Variants in FILIP1 observed in about 807,000 individuals in gnomAD.
FILIP1 encodes filamin A interacting protein 1.
In FILIP1, 61 loss-of-function variants were observed where a neutral mutation model predicts 102.1. The ratio of observed to expected loss-of-function variants is 0.60; its 90% CI spans 0.49 to 0.74. FILIP1 has a LOEUF of 0.74. FILIP1 is among the 30% of genes least tolerant of loss of function. The pLI is 0.00. For missense variants in FILIP1, 1,314 were observed against 1,441.2 expected (o/e 0.91, Z 1.43); for synonymous variants, 491 against 526.9 (o/e 0.93, Z 0.93).
At chr6:75,411,735 G>C (rs1431323941) in intron 2 of FILIP1, among the ~76,000 whole-genome samples, 1 of 152,096 alleles carries the variant, frequency 6.6e-6, no homozygotes, top group East Asian at 1.9e-4. Context: ...TAGATGTGTG[G>C]TGCTATTTCT....
At chr6:75,332,462 C>T (rs923475707) in intron 4 of FILIP1, among the ~76,000 whole-genome samples, 1 of 152,118 alleles carries the variant, frequency 6.6e-6, no homozygotes, top group African/African-American at 2.4e-5. Context: ...AATGTGTGAC[C>T]TTGGGCTCTC....
exon 7 of FILIP1, chr6:75,293,969 G>A (rs1323703526): frequency 2.0e-5 from 3 of 152,258 alleles, no homozygotes; most frequent in East Asian, 3.9e-4. Flanking sequence ...AGTTTTCTTA[G>A]TAACCAAAAT....
chr6:75,478,615 G>A lies in FILIP1; in HGVS notation c.-7+14799C>T, dbSNP rs577822147. 3.9e-5 allele frequency among the ~76,000 whole-genome samples: 6 copies of A among 152,238 alleles called. No individual in the cohort carries two copies. The South Asian group carries it at 6.2e-4, about 16-fold the overall frequency. ...TACAACAGGTATCTTGGGAAATAAC[G>A]CAAGACAGGTGGTGTTCTGGATTCT... On this transcript the variant is annotated intron_variant, in intron 1 of 5. Transcript: ENST00000237172.
exon 7 of FILIP1, chr6:75,295,874 T>A: frequency 7.3e-7 from 1 of 1,378,052 alleles, no homozygotes; most frequent in Non-Finnish European, 9.4e-7. Context: ...GATTCAGAGG[T>A]CGTACACACA....
chr6:75,407,918 G>T (rs1776930790), intron 2 of FILIP1, among the ~76,000 whole-genome samples: 1 of 152,044 alleles, frequency 6.6e-6, no homozygotes, highest in South Asian at 2.1e-4. Flanking sequence ...ATGTCCTTTT[G>T]CCAGATATTC....
Position 75,449,784 on chromosome 6 carries a change from A to G in FILIP1, c.-6-34806T>C, listed in dbSNP as rs561288453. 3.3e-5 allele frequency among the ~76,000 whole-genome samples: 5 copies of G among 152,322 alleles called. No individual in the cohort carries two copies. The East Asian group carries it at 9.6e-4, about 29-fold the overall frequency. On this transcript the variant is annotated intron_variant, in intron 1 of 5. Transcript: ENST00000237172. ...TAACTATCTTAAAGTCTAAGTATTT[A>G]AAGTATGAGTGTTTATGACTCATTG...
Position 75,313,407 on chromosome 6 carries a change from C to T in FILIP1, c.2425G>A (p.Ala809Thr), listed in dbSNP as rs1290781932. Residue 809 changes from alanine to threonine, a missense_variant, in exon 5 of 6, where the codon GCA (alanine) becomes ACA (threonine). By Grantham distance (58) the Ala-to-Thr change is moderately conservative. Coordinates refer to ENST00000237172, the MANE Select transcript of FILIP1 (RefSeq NM_015687.5). The surrounding 1 kb of genome is among the most constrained non-coding windows in gnomAD (Gnocchi z 4.2). ...PVTSTGVQTD[A>T]VSGEAAEEET... ...TCCTCTGCTGCTTCACCGCTGACTG[C>T]ATCAGTTTGGACTCCAGTTGACGTC... 6.2e-7 allele frequency: 1 copy of T among 1,614,202 alleles called. No homozygotes were observed. Among genetic ancestry groups the T allele is most frequent in the African/African-American group, 1.3e-5 (1 of 75,058 alleles).
chr6:75,399,756 A>G (rs979206571), intron 2 of FILIP1, among the ~76,000 whole-genome samples: 1 of 152,152 alleles, frequency 6.6e-6, no homozygotes, highest in African/African-American at 2.4e-5. Flanking sequence ...ATCCTGGCAT[A>G]TATTAGGCAG....
At chr6:75,487,871 T>C (rs1260864005) in intron 1 of FILIP1, among the ~76,000 whole-genome samples, 3 of 152,116 alleles carry the variant, frequency 2.0e-5, no homozygotes, top group Admixed American at 1.3e-4. Flanking sequence ...GGGCAGACTA[T>C]AGGGTCCTTG....
intron 4 of FILIP1, among the ~76,000 whole-genome samples, chr6:75,345,031 T>C (rs1278581174): frequency 1.3e-5 from 2 of 152,250 alleles, no homozygotes; most frequent in Non-Finnish European, 2.9e-5. Flanking sequence ...GGGTTCTCAC[T>C]ATTTCTCATA....
intron 2 of FILIP1, among the ~76,000 whole-genome samples, chr6:75,380,280 T>C (rs2149639721): frequency 7.1e-6 from 1 of 140,858 alleles, no homozygotes; most frequent in East Asian, 1.9e-4. Context: ...ATAAAGAGTT[T>C]ACATATATCA....
chr6:75,345,353 CTT>C (rs780956324), intron 4 of FILIP1, among the ~76,000 whole-genome samples: 7 of 140,802 alleles, frequency 5.0e-5, no homozygotes, highest in South Asian at 4.6e-4. Context: ...GCCCCCAAAT[CTT>C]TTTTTTTTTT....
At chr6:75,480,308 A>G (rs1582568423) in intron 1 of FILIP1, among the ~76,000 whole-genome samples, 1 of 152,150 alleles carries the variant, frequency 6.6e-6, no homozygotes, top group Admixed American at 6.5e-5. Context: ...ATAGGTATAT[A>G]CTTCTCTGAA....
Position 75,313,981 on chromosome 6 carries a change from T to G in FILIP1, c.1851A>C (p.Lys617Asn), listed in dbSNP as rs1486935851. 2 of 1,577,298 alleles carry G rather than the reference T, an allele frequency of 1.3e-6. No individual in the cohort carries two copies. Among genetic ancestry groups the G allele is most frequent in the Non-Finnish European group, 1.7e-6 (2 of 1,166,846 alleles). ...EREITRGRSR[K>N]GSELTCPEDN... ...CTTCCGGGCAGGTGAGCTCAGACCC[T>G]TTTCGTGACCTTCCTCTTGTTATTT... The change falls in exon 5 of 6, where the codon AAA becomes AAC. Residue 617 changes from lysine (K) to asparagine (N), a missense_variant. This residue lies in a region of FILIP1 where 816 missense variants were observed against 913.1 expected (regional missense o/e 0.89). Coordinates refer to ENST00000237172, the MANE Select transcript of FILIP1 (RefSeq NM_015687.5). This position sits in a 1 kb window ranked among gnomAD's most constrained non-coding sequence, Gnocchi z 4.2.
At chr6:75,435,294 A>C (rs1777981714) in intron 1 of FILIP1, among the ~76,000 whole-genome samples, 1 of 152,208 alleles carries the variant, frequency 6.6e-6, no homozygotes. Context: ...ACAAAATTAT[A>C]TCATAGGTAC....
At chr6:75,466,875 G>A (rs914555669) in intron 1 of FILIP1, among the ~76,000 whole-genome samples, 4 of 152,104 alleles carry the variant, frequency 2.6e-5, no homozygotes, top group African/African-American at 9.7e-5. Context: ...GCCACATGTG[G>A]TTACTGTATT....
chr6:75,351,477 A>G (rs1211546136), intron 4 of FILIP1, among the ~76,000 whole-genome samples: 1 of 152,212 alleles, frequency 6.6e-6, no homozygotes, highest in African/African-American at 2.4e-5. Context: ...TTACTACCTT[A>G]AAGGGAGAAC....
chr6:75,460,466 A>G (rs773203680), intron 1 of FILIP1, among the ~76,000 whole-genome samples: 71 of 152,308 alleles, frequency 4.7e-4, no homozygotes, highest in Non-Finnish European at 6.3e-4. Flanking sequence ...TCTAAAGTAG[A>G]CAGCTAAATT....
intron 1 of FILIP1, chr6:75,465,346 A>G (rs1485928794): frequency 7.0e-6 from 3 of 426,430 alleles, no homozygotes; most frequent in Non-Finnish European, 8.5e-6. Context: ...GTGGACCTAA[A>G]TAACCAGAAG....
Sources: allele counts gnomAD v4.1 joint callset (sites outside exome capture counted in the v4.1 genomes callset), GRCh38; gene constraint gnomAD v4.1.1; regional missense constraint gnomAD v4.1.1; non-coding constraint Gnocchi (gnomAD v3.1); transcripts MANE v1.5; gene names NCBI Gene and HGNC (gene_info 2026-07-23, HGNC 2026-07-21).